Variants in FILIP1L observed in about 807,000 individuals in gnomAD.
FILIP1L encodes filamin A-interacting protein 1-like.
In FILIP1L, 55 loss-of-function variants were observed where a neutral mutation model predicts 96.6. That is an observed-to-expected ratio of 0.57 (90% CI 0.46 to 0.71). FILIP1L has a LOEUF of 0.71. Ranked by LOEUF, FILIP1L falls within the 30% of genes least tolerant of loss-of-function variation. The pLI is 0.00. For missense variants in FILIP1L, 1,304 were observed against 1,321.2 expected, an observed-to-expected ratio of 0.99 and a Z score of 0.20; for synonymous variants, 467 against 473.9, an observed-to-expected ratio of 0.99 and a Z score of 0.19.
At chr3:100,040,240 G>A (rs1277398548) in intron 1 of FILIP1L, 1 of 151,990 alleles carries the variant, frequency 6.6e-6, no homozygotes, top group Admixed American at 6.6e-5. Context: ...TAAACAAAGA[G>A]TTCTCTCTTG....
intron 1 of FILIP1L, among the ~76,000 whole-genome samples, chr3:99,957,553 C>T (rs972739541): frequency 3.9e-5 from 6 of 152,018 alleles, no homozygotes; most frequent in Non-Finnish European, 5.9e-5. Context: ...CTCTTAATCA[C>T]TTCTTTAATA....
At chr3:100,102,656 C>T (rs543571314) in intron 1 of FILIP1L, among the ~76,000 whole-genome samples, 159 of 152,166 alleles carry the variant, frequency 1.0e-3, no homozygotes, top group Non-Finnish European at 1.7e-3. Context: ...CTGTGTCCTC[C>T]GCCATGCTTT....
chr3:100,082,572 A>C (rs780075210), intron 1 of FILIP1L, among the ~76,000 whole-genome samples: 6 of 152,136 alleles, frequency 3.9e-5, no homozygotes, highest in Non-Finnish European at 8.8e-5. Flanking sequence ...AAGACCCTAA[A>C]CAGCAGCATG....
chr3:99,913,819 G>C (rs1207481980), intron 4 of FILIP1L, among the ~76,000 whole-genome samples: 3 of 152,172 alleles, frequency 2.0e-5, no homozygotes, highest in Non-Finnish European at 4.4e-5. Context: ...AAAAAACGTA[G>C]AAAACACATA....
intron 1 of FILIP1L, among the ~76,000 whole-genome samples, chr3:99,989,670 A>G (rs1709453648): frequency 1.4e-5 from 2 of 142,280 alleles, no homozygotes; most frequent in East Asian, 4.0e-4. Context: ...TCCTCTATAT[A>G]TATATATATA....
chr3:100,055,156 A>G (rs1466778783), intron 1 of FILIP1L, among the ~76,000 whole-genome samples: 3 of 152,044 alleles, frequency 2.0e-5, no homozygotes, highest in African/African-American at 7.2e-5. Flanking sequence ...TCCTATCCCA[A>G]TTCAGGTCTC....
intron 4 of FILIP1L, among the ~76,000 whole-genome samples, chr3:99,913,415 T>C (rs13096116): frequency 0.067 from 10,149 of 152,310 alleles, 401 homozygotes; most frequent in Middle Eastern, 0.085. Context: ...GGTATCTCTC[T>C]GTTACCAGTG....
At position 100,059,648 on chromosome 3, in the gene FILIP1L, G is replaced by A. The variant is rs114477948; in HGVS notation, c.-11+54405C>T. Among the ~76,000 whole-genome samples the A allele has an allele frequency of 6.4e-3, 977 of 152,292 alleles. 5 individuals carry two copies. The highest frequency in any genetic ancestry group is 0.022 in the African/African-American group (925 of 41,548). ...CGGGGGCCAAGTGCAGGACAGAGTAGTGACTGGGACTGTACTGTAATGAAA... is the reference window on the plus strand; with the variant it reads ...CGGGGGCCAAGTGCAGGACAGAGTAATGACTGGGACTGTACTGTAATGAAA... On this transcript the variant is annotated intron_variant, in intron 1 of 5. Transcript: ENST00000477258.
At chr3:99,974,967 AT>A in intron 1 of FILIP1L, among the ~76,000 whole-genome samples, 1 of 152,308 alleles carries the variant, frequency 6.6e-6, no homozygotes, top group Middle Eastern at 3.4e-3. Flanking sequence ...AAGCTAGAAA[AT>A]AATACCATTT....
chr3:99,872,269 CTGTGTGTG>C (rs55727823), intron 4 of FILIP1L, among the ~76,000 whole-genome samples: 1,573 of 110,826 alleles, frequency 0.014, 22 homozygotes, highest in African/African-American at 0.035. Context: ...TGTGCCAGGA[CTGTGTGTG>C]TGTGTGTGTG....
chr3:100,059,987 G>A (rs781239311), intron 1 of FILIP1L, among the ~76,000 whole-genome samples: 4 of 151,330 alleles, frequency 2.6e-5, no homozygotes, highest in Non-Finnish European at 5.9e-5. Context: ...TTTAAAATGT[G>A]ACCCATATGA....
intron 1 of FILIP1L, among the ~76,000 whole-genome samples, chr3:100,014,836 C>CT (rs572687676): frequency 1.1e-5 from 1 of 92,142 alleles, no homozygotes; most frequent in Non-Finnish European, 2.2e-5. Flanking sequence ...TGTGTCAAAA[C>CT]TTTTTATCTG....
At chr3:99,936,251 ATAATAG>A (rs983080132) in intron 1 of FILIP1L, among the ~76,000 whole-genome samples, 13 of 151,996 alleles carry the variant, frequency 8.6e-5, no homozygotes, top group Non-Finnish European at 7.4e-5. Flanking sequence ...GAGAAAGAAA[ATAATAG>A]TAATAATGGT....
intron 4 of FILIP1L, among the ~76,000 whole-genome samples, chr3:99,921,095 A>G (rs749415163): frequency 5.3e-5 from 8 of 152,128 alleles, no homozygotes; most frequent in Non-Finnish European, 7.4e-5. Flanking sequence ...GAAGGAAGTA[A>G]ACATTGTTCT....
chr3:99,991,683 T>C (rs1709514386), intron 1 of FILIP1L, among the ~76,000 whole-genome samples: 1 of 152,024 alleles, frequency 6.6e-6, no homozygotes, highest in South Asian at 2.1e-4. Context: ...TAGCTCCCAC[T>C]TATAGGTGAG....
intron 1 of FILIP1L, among the ~76,000 whole-genome samples, chr3:100,006,357 A>G (rs998242744): frequency 1.3e-5 from 2 of 152,144 alleles, no homozygotes; most frequent in Non-Finnish European, 2.9e-5. Flanking sequence ...TGGAATAGTT[A>G]GGTACTTCCT....
chr3:99,847,831 G>T, intron 5 of FILIP1L: 1 of 503,832 alleles, frequency 2.0e-6, no homozygotes, highest in Non-Finnish European at 2.6e-6. Context: ...TTGTTTTTAA[G>T]GAAGAATTAA....
intron 4 of FILIP1L, among the ~76,000 whole-genome samples, chr3:99,896,818 C>CT (rs1315598097): frequency 2.6e-5 from 4 of 152,036 alleles, no homozygotes; most frequent in African/African-American, 9.7e-5. Context: ...GCAATGTTGC[C>CT]TACTAATAAA....
chr3:100,034,168 G>A (rs193084374), intron 1 of FILIP1L, among the ~76,000 whole-genome samples: 11 of 152,244 alleles, frequency 7.2e-5, no homozygotes, highest in Admixed American at 1.3e-4. Context: ...TTCCATTGTG[G>A]GGAAAGTTCC....
Sources: gnomAD v4.1 joint callset for allele counts (sites outside exome capture counted in the v4.1 genomes callset) on GRCh38, gnomAD v4.1.1 for gene constraint, MANE v1.5 for transcripts, NCBI Gene and HGNC (gene_info 2026-07-23, HGNC 2026-07-21) for gene names.